The following DCAF17 variants were observed in gnomAD, a reference collection of about 807,000 sequenced individuals.
The protein encoded by DCAF17 is DDB1 and CUL4 associated factor 17, also known as DDB1- and CUL4-associated factor 17.
DCAF17 carries 48 observed loss-of-function variants against 66.0 expected under a neutral mutation model. The observed-to-expected ratio is 0.73, with a 90% CI of 0.58 to 0.92. The LOEUF (loss-of-function observed/expected upper bound fraction) is 0.92, where lower values mean the gene tolerates loss of function less well. DCAF17 is among the 40% of genes least tolerant of loss of function. The pLI, the probability that DCAF17 is intolerant of heterozygous loss-of-function variation, is 0.00. For missense variants in DCAF17, 562 were observed against 622.8 expected, an observed-to-expected ratio of 0.90 and a Z score of 1.04; for synonymous variants, 206 against 214.6, an observed-to-expected ratio of 0.96 and a Z score of 0.35.
At chr2:171,443,348 T>TTA in intron 2 of DCAF17, 175 bp from the exon 3 acceptor site, 1 of 511,146 alleles carries the variant, frequency 2.0e-6, no homozygotes, top group Non-Finnish European at 3.3e-6. Flanking sequence ...TTTAATCTTG[T>TTA]TTTTTTTTAT....
intron 8 of DCAF17, among the ~76,000 whole-genome samples, chr2:171,463,295 A>G (rs1317829794): frequency 6.6e-6 from 1 of 151,022 alleles, no homozygotes; most frequent in Non-Finnish European, 1.5e-5. Context: ...GATGTGTACT[A>G]TTAAGTAAAA....
intron 2 of DCAF17, among the ~76,000 whole-genome samples, chr2:171,438,218 G>A (rs1694079829): frequency 6.6e-6 from 1 of 152,176 alleles, no homozygotes; most frequent in Admixed American, 6.5e-5. Context: ...TGACCCAAGA[G>A]CATACTTTAT....
At chr2:171,471,347 A>T (rs1317594452) in intron 9 of DCAF17, among the ~76,000 whole-genome samples, 1 of 152,234 alleles carries the variant, frequency 6.6e-6, no homozygotes, top group Non-Finnish European at 1.5e-5. Context: ...TATTAAACTG[A>T]GCTTTAAAAT....
chr2:171,481,267 C>A lies in DCAF17; in HGVS notation c.*153C>A. The stretch of plus-strand genomic sequence containing the variant: ...ATGACTATGACTTCTTTTTTAAACT[C>A]TTGCTGTAAAAGATGGTGAGGACTT... On this transcript the variant is annotated 3_prime_UTR_variant, in exon 14 of 14. Transcript: ENST00000375255. The A allele has an allele frequency of 1.1e-6, 1 of 937,930 alleles. No individual in the cohort carries two copies. Among genetic ancestry groups the A allele is most frequent in the East Asian group, 2.6e-5 (1 of 38,466 alleles). 58.1% of individuals were successfully genotyped at this position (937,930 alleles called of 1,614,324 possible).
intron 3 of DCAF17, chr2:171,447,401 GC>G (rs1694692513): frequency 3.0e-6 from 1 of 337,824 alleles, no homozygotes; most frequent in African/African-American, 2.3e-5. Context: ...GTCTTCTGTC[GC>G]CAGGCTGGAG....
rs746007838 is a variant in DCAF17 at position 171,481,244 on chromosome 2, G to C, written c.*130G>C. On this transcript the variant is annotated 3_prime_UTR_variant, in exon 14 of 14. Transcript: ENST00000375255. ...AAAAAGTCTTGTGTTGACTTCAGATGACTATGACTTCTTTTTTAAACTCTT... is the reference window on the plus strand; with the variant it reads ...AAAAAGTCTTGTGTTGACTTCAGATCACTATGACTTCTTTTTTAAACTCTT... 7 of 1,115,576 alleles carry C rather than the reference G, an allele frequency of 6.3e-6. No individual in the cohort carries two copies. The Admixed American group carries it at 9.1e-5, about 15-fold the overall frequency. The allele number at this position is 1,115,576 out of a possible 1,614,324, so 69.1% of individuals were successfully genotyped here.
chr2:171,480,202 A>T lies in DCAF17; in HGVS notation c.1422+9A>T, dbSNP rs1231113846. 1 of 1,612,844 alleles carries T rather than the reference A, an allele frequency of 6.2e-7. No homozygotes were observed. The highest frequency in any genetic ancestry group is 1.1e-5 in the South Asian group (1 of 91,062). On this transcript the variant is annotated intron_variant, in intron 13 of 13. Coordinates refer to ENST00000375255, the MANE Select transcript of DCAF17 (RefSeq NM_025000.4). The stretch of plus-strand genomic sequence containing the variant: ...TGGAGTCATGGGATGTGGTGAGTAG[A>T]GTCCGTGGGATACAAAGTTGTAAAC...
intron 11 of DCAF17, 28 bp downstream of exon 11, chr2:171,476,978 TA>T: frequency 6.6e-7 from 1 of 1,507,768 alleles, no homozygotes; most frequent in South Asian, 1.1e-5. Context: ...TAAAATCCTT[TA>T]TATATCATTG....
chr2:171,457,008 A>C (rs1339470756), intron 6 of DCAF17, among the ~76,000 whole-genome samples: 1 of 152,226 alleles, frequency 6.6e-6, no homozygotes, highest in African/African-American at 2.4e-5. Context: ...CAGAATTTCC[A>C]ACACACTGTT....
At chr2:171,438,208 T>A (rs1206758765) in intron 2 of DCAF17, among the ~76,000 whole-genome samples, 1 of 152,274 alleles carries the variant, frequency 6.6e-6, no homozygotes, top group African/African-American at 2.4e-5. Flanking sequence ...AATACCACTA[T>A]GACCCAAGAG....
rs764744666 is a variant in DCAF17, at chr2:171,443,548, T to C, written c.256T>C (p.Tyr86His). The C allele has an allele frequency of 1.2e-6, 2 of 1,612,976 alleles. No homozygotes were observed. Among genetic ancestry groups the C allele is most frequent in the Admixed American group, 3.3e-5 (2 of 59,992 alleles). The change falls in exon 3 of 14, where the codon TAT becomes CAT. Residue 86 changes from tyrosine to histidine, a missense_variant. Coordinates refer to ENST00000375255, the MANE Select transcript of DCAF17 (RefSeq NM_025000.4). ...SSVASEPRKLYEMPKCSKSEK... is the reference protein window; with the variant it reads ...SSVASEPRKLHEMPKCSKSEK... The stretch of plus-strand genomic sequence containing the variant: ...TGTTGCATCTGAGCCAAGAAAACTT[T>C]ATGAAATGCCAAAATGTTCCAAATC...
In DCAF17 at chr2:171,484,751, T is replaced by C; in HGVS notation, c.*3637T>C. 1 of 453,998 alleles carries C rather than the reference T, an allele frequency of 2.2e-6. No individual in the cohort carries two copies. The highest frequency in any genetic ancestry group is 4.4e-6 in the Non-Finnish European group (1 of 226,758). The allele number at this position is 453,998 out of a possible 1,614,324, so 28.1% of individuals were successfully genotyped here. A position where few individuals can be genotyped will look rare whatever the true frequency, so the allele number is the denominator to read the frequency against. On this transcript the variant is annotated 3_prime_UTR_variant, in exon 14 of 14. Transcript: ENST00000375255. Reference sequence around the variant, plus strand: ...TAAATCCCTCTCCCAGTCTATCCCCTCCCCACCCCTCAGGTATAACTACTG... The same window carrying C: ...TAAATCCCTCTCCCAGTCTATCCCCCCCCCACCCCTCAGGTATAACTACTG...
At position 171,483,387 on chromosome 2, in the gene DCAF17, C is replaced by G; in HGVS notation, c.*2273C>G. On this transcript the variant is annotated 3_prime_UTR_variant, in exon 14 of 14. Transcript: ENST00000375255. ...CCAGGTGAAGCAGGGTAGCTTCCAT[C>G]AGCAGGTACAGACGTTACGCTGAAA... 2.2e-6 allele frequency: 1 copy of G among 454,114 alleles called. No individual in the cohort carries two copies. Among genetic ancestry groups the G allele is most frequent in the Non-Finnish European group, 4.4e-6 (1 of 226,792 alleles). 28.1% of individuals were successfully genotyped at this position (454,114 alleles called of 1,614,324 possible).
chr2:171,443,452 G>A (rs892006438), intron 2 of DCAF17, 71 bp from the exon 3 acceptor site: 29 of 1,300,818 alleles, frequency 2.2e-5, no homozygotes, highest in Non-Finnish European at 2.8e-5. Flanking sequence ...AATAAAAATA[G>A]TCTCTCAAAC....
chr2:171,469,916 C>T (rs187330915), intron 9 of DCAF17, among the ~76,000 whole-genome samples: 2 of 152,310 alleles, frequency 1.3e-5, no homozygotes, highest in Admixed American at 6.5e-5. Context: ...AGTGATCCTC[C>T]TGCCACAACC....
intron 9 of DCAF17, among the ~76,000 whole-genome samples, chr2:171,471,622 A>G (rs944704179): frequency 6.6e-6 from 1 of 152,234 alleles, no homozygotes; most frequent in African/African-American, 2.4e-5. Context: ...TAATACCACT[A>G]TTTCTATTAG....
intron 2 of DCAF17, among the ~76,000 whole-genome samples, chr2:171,436,820 G>A (rs938801295): frequency 3.3e-5 from 5 of 150,216 alleles, no homozygotes; most frequent in Non-Finnish European, 7.4e-5. Flanking sequence ...TGTTGCCCAG[G>A]CTGGAGTGCA....
chr2:171,445,181 G>A (rs1694544275), intron 3 of DCAF17, among the ~76,000 whole-genome samples: 1 of 151,270 alleles, frequency 6.6e-6, no homozygotes, highest in Non-Finnish European at 1.5e-5. Context: ...CTGCAGTGCA[G>A]TGGCGTGATC....
chr2:171,467,734 A>AAC (rs1167467839), intron 8 of DCAF17, among the ~76,000 whole-genome samples: 2 of 144,998 alleles, frequency 1.4e-5, no homozygotes, highest in Admixed American at 1.4e-4. Context: ...TCTCAAAAAA[A>AAC]AAAAAAAAAA....
Sources: allele counts gnomAD v4.1 joint callset (sites outside exome capture counted in the v4.1 genomes callset), GRCh38; gene constraint gnomAD v4.1.1; transcripts MANE v1.5; gene names NCBI Gene and HGNC (gene_info 2026-07-23, HGNC 2026-07-21).